The following MAPRE3 variants were observed in gnomAD, a reference collection of about 807,000 sequenced individuals.
The protein encoded by MAPRE3 is microtubule associated protein RP/EB family member 3.
In MAPRE3, 2 loss-of-function variants were observed where a neutral mutation model predicts 30.5. The observed-to-expected ratio is 0.07, with a 90% CI of 0.03 to 0.21. The LOEUF is 0.21. Among genes scored for constraint, MAPRE3 ranks in the 10% least tolerant of loss-of-function variants. MAPRE3 has a pLI of 1.00. For missense variants in MAPRE3, 204 were observed against 351.8 expected (o/e 0.58, Z 3.36); for synonymous variants, 110 against 127.7 (o/e 0.86, Z 0.93).
At chr2:26,975,816 C>G (rs1666004893) in intron 1 of MAPRE3, among the ~76,000 whole-genome samples, 1 of 152,110 alleles carries the variant, frequency 6.6e-6, no homozygotes, top group Admixed American at 6.6e-5. Flanking sequence ...TAGGGTTTGA[C>G]AGCTTCAAGC....
chr2:26,999,488 C>CTTTCTT (rs1666539326), intron 1 of MAPRE3, among the ~76,000 whole-genome samples: 1 of 79,006 alleles, frequency 1.3e-5, no homozygotes, highest in Non-Finnish European at 2.3e-5. Flanking sequence ...TTCCTTCTTT[C>CTTTCTT]TTTTTTTTTT....
intron 1 of MAPRE3, among the ~76,000 whole-genome samples, chr2:26,994,123 G>A (rs1246019956): frequency 6.6e-6 from 1 of 152,176 alleles, no homozygotes. Flanking sequence ...GCCATGTTCT[G>A]AGGAAACTGA....
At chr2:27,022,580 G>T (rs1308960522) in intron 2 of MAPRE3, 6 of 465,540 alleles carry the variant, frequency 1.3e-5, no homozygotes, top group Non-Finnish European at 2.3e-5. Flanking sequence ...CTACTCCTAG[G>T]CTAAAAACAT....
intron 1 of MAPRE3, among the ~76,000 whole-genome samples, chr2:26,979,042 T>A (rs1213489433): frequency 1.3e-5 from 2 of 152,152 alleles, no homozygotes; most frequent in African/African-American, 2.4e-5. Context: ...CCTTATCAGC[T>A]ATGGGAAAGG....
At chr2:26,980,793 G>A (rs1487056860) in intron 1 of MAPRE3, among the ~76,000 whole-genome samples, 2 of 152,170 alleles carry the variant, frequency 1.3e-5, no homozygotes, top group Non-Finnish European at 2.9e-5. Context: ...TGGTATTGAC[G>A]AAGAATCATT....
intron 1 of MAPRE3, among the ~76,000 whole-genome samples, chr2:26,990,500 A>T: frequency 6.6e-6 from 1 of 152,228 alleles, no homozygotes. Context: ...ATACCATGCA[A>T]CCATCAAAGA....
chr2:26,976,459 G>T (rs531446247), intron 1 of MAPRE3, among the ~76,000 whole-genome samples: 1 of 152,284 alleles, frequency 6.6e-6, no homozygotes, highest in African/African-American at 2.4e-5. Flanking sequence ...TCGTGTGACA[G>T]TTAGCCAAGT....
chr2:27,019,722 G>A (rs759992765), intron 1 of MAPRE3, among the ~76,000 whole-genome samples: 2 of 152,210 alleles, frequency 1.3e-5, no homozygotes, highest in Non-Finnish European at 2.9e-5. Context: ...TTTTGGCCCC[G>A]CCTGGCCTCC....
In MAPRE3 at chr2:27,023,474, C is replaced by T. The variant is rs1667154763; in HGVS notation, c.264C>T (p.Asp88=). 1.2e-6 allele frequency: 2 copies of T among 1,613,844 alleles called. No individual in the cohort carries two copies. Among genetic ancestry groups the T allele is most frequent in the African/African-American group, 1.3e-5 (1 of 74,926 alleles). Residue 88 remains aspartate (D), a synonymous_variant, in exon 3 of 7, where the codon GAC becomes GAT. Coordinates refer to ENST00000233121, the MANE Select transcript of MAPRE3 (RefSeq NM_012326.4). ...CAGCTTTCAAGAAGATGGGTGTTGA[C>T]AAAGTAGGTGCCTGCGCTCTGGGGG... ...LQAAFKKMGV[D]KIIPVEKLVK... is the part of the protein sequence containing the mutation.
intron 1 of MAPRE3, among the ~76,000 whole-genome samples, chr2:26,982,128 T>G (rs1666126390): frequency 6.6e-6 from 1 of 152,220 alleles, no homozygotes; most frequent in African/African-American, 2.4e-5. Context: ...TTGCCTATTA[T>G]GAAACTTGGC....
intron 1 of MAPRE3, among the ~76,000 whole-genome samples, chr2:27,009,220 G>A (rs1024304983): frequency 6.6e-6 from 1 of 152,114 alleles, no homozygotes; most frequent in South Asian, 2.1e-4. Context: ...ATCCAAATAA[G>A]GTCTGTAGTT....
chr2:26,982,956 G>A (rs770562770), intron 1 of MAPRE3, among the ~76,000 whole-genome samples: 1 of 152,092 alleles, frequency 6.6e-6, no homozygotes, highest in Non-Finnish European at 1.5e-5. Flanking sequence ...CAATGTTTTG[G>A]ACTTCTCAAA....
intron 1 of MAPRE3, among the ~76,000 whole-genome samples, chr2:26,973,721 A>G (rs991780966): frequency 6.6e-6 from 1 of 151,698 alleles, no homozygotes; most frequent in African/African-American, 2.4e-5. Context: ...GCGCCCGGCT[A>G]ATTTTTTGTA....
intron 1 of MAPRE3, chr2:26,984,700 T>C (rs1319800391): frequency 2.0e-5 from 3 of 152,270 alleles, no homozygotes; most frequent in African/African-American, 7.2e-5. Context: ...AGAAAGCTCG[T>C]TGCCACCATT....
chr2:26,978,630 C>T (rs1666059005), intron 1 of MAPRE3, among the ~76,000 whole-genome samples: 2 of 152,346 alleles, frequency 1.3e-5, no homozygotes, highest in East Asian at 3.9e-4. Context: ...TAGCAAGGTA[C>T]AGTGTCTTGA....
Position 26,986,961 on chromosome 2 carries a change from C to G in MAPRE3, c.-8+16159C>G, listed in dbSNP as rs1211700015. Among the ~76,000 whole-genome samples the G allele has an allele frequency of 1.3e-5, 2 of 152,018 alleles. No homozygotes were observed. Among genetic ancestry groups the G allele is most frequent in the Admixed American group, 6.6e-5 (1 of 15,260 alleles). On this transcript the variant is annotated intron_variant, in intron 1 of 6. Transcript: ENST00000233121. The surrounding 1 kb of genome is among the most constrained non-coding windows in gnomAD (Gnocchi z 4.2). ...GAGCCACCGTGTGAAAGAGTTTCCACCTAGAGGTAAGAACTCAGGAGGGAG... is the reference window on the plus strand; with the variant it reads ...GAGCCACCGTGTGAAAGAGTTTCCAGCTAGAGGTAAGAACTCAGGAGGGAG...
intron 1 of MAPRE3, among the ~76,000 whole-genome samples, chr2:26,977,338 C>T (rs560854019): frequency 6.6e-6 from 1 of 152,284 alleles, no homozygotes; most frequent in African/African-American, 2.4e-5. Context: ...TTGCCTCTTC[C>T]TTTTACTGTT....
Position 27,025,410 on chromosome 2 carries a change from A to G in MAPRE3, c.470-173A>G, listed in dbSNP as rs571342393. On this transcript the variant is annotated intron_variant, in intron 4 of 6. Coordinates refer to ENST00000233121, the MANE Select transcript of MAPRE3 (RefSeq NM_012326.4). ...GGGCTGCCCAGCTGCTGGAGTGTCC[A>G]TGTGGCCAAGACTCGGGGCCTAGCT... Among the ~76,000 whole-genome samples the G allele has an allele frequency of 2.6e-5, 4 of 152,254 alleles. No homozygotes were observed. In the South Asian group the frequency reaches 8.3e-4, roughly 32 times the overall value.
At chr2:27,022,069 G>C (rs1355524886) in intron 1 of MAPRE3, 143 bp from the exon 2 acceptor site, 2 of 869,228 alleles carry the variant, frequency 2.3e-6, no homozygotes, top group East Asian at 4.9e-5. Flanking sequence ...AAGGAATAAA[G>C]ACCCTCCCTC....
Sources: allele counts gnomAD v4.1 joint callset (sites outside exome capture counted in the v4.1 genomes callset), GRCh38; gene constraint gnomAD v4.1.1; non-coding constraint Gnocchi (gnomAD v3.1); transcripts MANE v1.5; gene names NCBI Gene and HGNC (gene_info 2026-07-23, HGNC 2026-07-21).